Variants in ASIC2 observed in about 807,000 individuals in gnomAD.
ASIC2 encodes the protein acid-sensing ion channel 2.
ASIC2 carries 25 observed loss-of-function variants against 57.3 expected under a neutral mutation model. The ratio of observed to expected loss-of-function variants is 0.44; its 90% CI spans 0.32 to 0.61. The LOEUF is 0.61. ASIC2 is among the 20% of genes least tolerant of loss of function. The pLI is 0.06. For missense variants in ASIC2, 641 were observed against 738.1 expected (o/e 0.87, Z 1.52); for synonymous variants, 319 against 307.5 (o/e 1.04, Z -0.39).
chr17:33,851,262 G>T (rs983000457), intron 1 of ASIC2, among the ~76,000 whole-genome samples: 1 of 152,122 alleles, frequency 6.6e-6, no homozygotes, highest in Non-Finnish European at 1.5e-5. Context: ...AGGGCCCTAG[G>T]CAGAGGGTCC....
intron 1 of ASIC2, chr17:34,070,859 A>G (rs964526583): frequency 5.9e-5 from 9 of 152,308 alleles, no homozygotes; most frequent in African/African-American, 2.2e-4. Flanking sequence ...CTCTGACTCC[A>G]AGAGAGGTTT....
chr17:34,056,044 G>A (rs1232602017), intron 1 of ASIC2, among the ~76,000 whole-genome samples: 1 of 151,986 alleles, frequency 6.6e-6, no homozygotes, highest in Non-Finnish European at 1.5e-5. Flanking sequence ...ACTGTCAGGG[G>A]ACAGATTTGA....
intron 1 of ASIC2, among the ~76,000 whole-genome samples, chr17:33,602,120 CT>C (rs1905127588): frequency 6.7e-6 from 1 of 149,284 alleles, no homozygotes; most frequent in African/African-American, 2.4e-5. Context: ...TTAGATAAGA[CT>C]TTGGAGTTTG....
At chr17:33,565,426 CTG>C (rs1306333435) in intron 1 of ASIC2, among the ~76,000 whole-genome samples, 1 of 152,236 alleles carries the variant, frequency 6.6e-6, no homozygotes, top group Non-Finnish European at 1.5e-5. Context: ...GCCTCCATAT[CTG>C]TGCACACAGC....
intron 1 of ASIC2, among the ~76,000 whole-genome samples, chr17:33,308,609 C>A (rs1906277872): frequency 6.6e-6 from 1 of 151,712 alleles, no homozygotes; most frequent in African/African-American, 2.4e-5. Context: ...CATCACTGAA[C>A]AAACGAATGA....
intron 3 of ASIC2, among the ~76,000 whole-genome samples, chr17:33,079,070 A>G (rs2092101462): frequency 6.6e-6 from 1 of 152,200 alleles, no homozygotes; most frequent in East Asian, 1.9e-4. Context: ...GGTCTCAAGC[A>G]GGCTGTGACA....
In ASIC2 at chr17:34,087,827, C is replaced by T. The variant is rs1380306696; in HGVS notation, c.555+68151G>A. Among the ~76,000 whole-genome samples the T allele has an allele frequency of 4.6e-5, 7 of 152,160 alleles. No homozygotes were observed. In the East Asian group the frequency reaches 5.8e-4, roughly 13 times the overall value. ...ACTGATACCCTTTCTTCCAGTTGAT[C>T]GCATTGGCTACTGAGGCTTCTGCAT... is the stretch of plus-strand genomic sequence containing the variant. On this transcript the variant is annotated intron_variant, in intron 1 of 9. Coordinates refer to the ASIC2 transcript ENST00000359872.
At chr17:33,236,762 G>T (rs1054989204) in intron 1 of ASIC2, among the ~76,000 whole-genome samples, 1 of 152,034 alleles carries the variant, frequency 6.6e-6, no homozygotes, top group African/African-American at 2.4e-5. Context: ...AGGGATATTT[G>T]GACACAGAGA....
Position 33,570,529 on chromosome 17 carries a change from C to A in ASIC2, c.556-458462G>T, listed in dbSNP as rs142214131. Among the ~76,000 whole-genome samples, 17 of 152,358 alleles carry A rather than the reference C, an allele frequency of 1.1e-4. No homozygotes were observed. The East Asian group carries it at 3.3e-3, about 29-fold the overall frequency. The stretch of plus-strand genomic sequence containing the variant: ...CACTGGGATGCAACCTGTCCCCTTA[C>A]CCCAAATTTGATGAGCATTTTCTGT... On this transcript the variant is annotated intron_variant, in intron 1 of 9. Transcript: ENST00000359872.
chr17:34,091,963 A>T (rs893467348), intron 1 of ASIC2, among the ~76,000 whole-genome samples: 1 of 152,160 alleles, frequency 6.6e-6, no homozygotes. Flanking sequence ...AAAAGGGAAG[A>T]CATTAAGGTT....
chr17:33,826,101 C>G (rs569489599), intron 1 of ASIC2, among the ~76,000 whole-genome samples: 1 of 152,338 alleles, frequency 6.6e-6, no homozygotes, highest in Admixed American at 6.5e-5. Flanking sequence ...ATGCAGTCTA[C>G]CAATTCCCTT....
chr17:33,727,100 C>T (rs967217437), intron 1 of ASIC2, among the ~76,000 whole-genome samples: 5 of 152,140 alleles, frequency 3.3e-5, no homozygotes, highest in African/African-American at 1.2e-4. Flanking sequence ...AGAGGTGAGC[C>T]TGTAATATAC....
chr17:33,171,195 A>C (rs953475750), intron 1 of ASIC2, among the ~76,000 whole-genome samples: 5 of 152,236 alleles, frequency 3.3e-5, no homozygotes, highest in Non-Finnish European at 7.3e-5. Flanking sequence ...GCTTTCTCTA[A>C]CAGCCAGTAC....
At chr17:33,102,934 C>T (rs1200843266) in intron 2 of ASIC2, among the ~76,000 whole-genome samples, 1 of 152,128 alleles carries the variant, frequency 6.6e-6, no homozygotes, top group Non-Finnish European at 1.5e-5. Flanking sequence ...CAGGCGCCCA[C>T]CACCACGCCC....
At chr17:33,419,176 T>C (rs117779306) in intron 1 of ASIC2, among the ~76,000 whole-genome samples, 1 of 152,316 alleles carries the variant, frequency 6.6e-6, no homozygotes, top group Non-Finnish European at 1.5e-5. Context: ...GGGGAAGTGT[T>C]GTTGCACCCA....
At chr17:33,202,796 G>A (rs774513387) in intron 1 of ASIC2, among the ~76,000 whole-genome samples, 5 of 152,154 alleles carry the variant, frequency 3.3e-5, no homozygotes, top group Non-Finnish European at 7.4e-5. Context: ...GCTGGAGCTT[G>A]CTCCTGGATG....
chr17:33,414,930 T>C (rs999082934), intron 1 of ASIC2, among the ~76,000 whole-genome samples: 11 of 152,160 alleles, frequency 7.2e-5, no homozygotes, highest in African/African-American at 2.4e-4. Context: ...TGCAGTTTGG[T>C]TTCCCAACCA....
intron 1 of ASIC2, among the ~76,000 whole-genome samples, chr17:33,866,504 A>T (rs1914241904): frequency 6.6e-6 from 1 of 152,122 alleles, no homozygotes; most frequent in Non-Finnish European, 1.5e-5. Context: ...CACTTATGTG[A>T]TTATTCCTTA....
intron 1 of ASIC2, among the ~76,000 whole-genome samples, chr17:33,423,806 G>C (rs1911124148): frequency 6.6e-6 from 1 of 152,242 alleles, no homozygotes; most frequent in African/African-American, 2.4e-5. Context: ...GATGACACTG[G>C]TCAGTGTGTG....
Sources: allele counts gnomAD v4.1 joint callset (sites outside exome capture counted in the v4.1 genomes callset), GRCh38; gene constraint gnomAD v4.1.1; transcripts MANE v1.5; gene names NCBI Gene and HGNC (gene_info 2026-07-23, HGNC 2026-07-21).